The following RPL38 variants were observed in gnomAD, a reference collection of about 807,000 sequenced individuals.
The protein encoded by RPL38 is ribosomal protein L38.
A neutral mutation model predicts 12.8 loss-of-function variants in RPL38; 2 were observed. The ratio of observed to expected loss-of-function variants is 0.16; its 90% confidence interval spans 0.06 to 0.49. The LOEUF (loss-of-function observed/expected upper bound fraction) is 0.49, where lower values mean the gene tolerates loss of function less well. Ranked by LOEUF, RPL38 falls within the 20% of genes least tolerant of loss-of-function variation. RPL38 has a pLI of 0.96. For missense variants in RPL38, 52 were observed against 79.8 expected, an observed-to-expected ratio of 0.65 and a Z score of 1.33; for synonymous variants, 42 against 30.1, an observed-to-expected ratio of 1.39 and a Z score of -1.29.
intron 3 of RPL38, chr17:74,205,847 C>T (rs2050108655): frequency 6.6e-6 from 1 of 152,050 alleles, no homozygotes; most frequent in South Asian, 2.1e-4. Context: ...TGGCAAAACC[C>T]CATTTCTACT....
Position 74,203,759 on chromosome 17 carries a change from A to G in RPL38, c.-39+14A>G. ...TGGGTGAGAAAGGTAATCTGGGGCAATCCACTGCCAGGTGAAATCTGGGGA... is the reference window on the plus strand; with the variant it reads ...TGGGTGAGAAAGGTAATCTGGGGCAGTCCACTGCCAGGTGAAATCTGGGGA... On this transcript the variant is annotated intron_variant, in intron 1 of 4. Transcript: ENST00000311111. 3 of 635,954 alleles carry G rather than the reference A, an allele frequency of 4.7e-6. No individual in the cohort carries two copies. Among genetic ancestry groups the G allele is most frequent in the East Asian group, 2.8e-5 (1 of 36,272 alleles). The allele number at this position is 635,954 out of a possible 1,614,324, so 39.4% of individuals were successfully genotyped here. A position where few individuals can be genotyped will look rare whatever the true frequency, so the allele number is the denominator to read the frequency against.
At position 74,204,431 on chromosome 17, in the gene RPL38, TCA is replaced by T. The variant is rs146505031; in HGVS notation, c.64+242_64+243del. ...GATCATCTCAGAGGCCGCCCTGAGT[TCA>T]GTTTTCTTTCGTATAATATAGTAAA... On this transcript the variant is annotated intron_variant, in intron 3 of 4. Coordinates refer to ENST00000311111, the MANE Select transcript of RPL38 (RefSeq NM_000999.4). The T allele has an allele frequency of 7.0e-3, 3,821 of 543,378 alleles. 125 individuals carry two copies. Among genetic ancestry groups the T allele is most frequent in the African/African-American group, 0.065 (3,415 of 52,800 alleles). The allele number at this position is 543,378 out of a possible 1,614,324, so 33.7% of individuals were successfully genotyped here.
rs2050151344 is a variant in RPL38 at position 74,209,994 on chromosome 17, T to TC, written c.*165_*166insC. 3.0e-5 allele frequency: 17 copies of TC among 574,038 alleles called. No homozygotes were observed. Among genetic ancestry groups the TC allele is most frequent in the East Asian group, 1.2e-4 (4 of 33,218 alleles). The allele number at this position is 574,038 out of a possible 1,614,324, so 35.6% of individuals were successfully genotyped here. ...TTCCTGTGTCTTTTTTTTTTTTTTT[T>TC]TTTCTTTCTTTGAGACGGAGTCTTG... On this transcript the variant is annotated 3_prime_UTR_variant, in exon 5 of 5. Coordinates refer to ENST00000311111, the MANE Select transcript of RPL38 (RefSeq NM_000999.4).
intron 4 of RPL38, 139 bp downstream of exon 4, chr17:74,209,448 A>G: frequency 1.1e-6 from 1 of 932,278 alleles, no homozygotes; most frequent in Non-Finnish European, 1.6e-6. Flanking sequence ...TGCTGTTGGG[A>G]GTGTGAGGAA....
At chr17:74,206,170 A>G (rs2050111731) in intron 3 of RPL38, 1 of 152,158 alleles carries the variant, frequency 6.6e-6, no homozygotes, top group African/African-American at 2.4e-5. Flanking sequence ...GCATAGCGTA[A>G]AAGTTACCAT....
chr17:74,210,050 C>T lies in RPL38; in HGVS notation c.*221C>T, dbSNP rs1189985258. 2.1e-5 allele frequency: 10 copies of T among 470,454 alleles called. No individual in the cohort carries two copies. Among genetic ancestry groups the T allele is most frequent in the African/African-American group, 1.1e-4 (5 of 46,688 alleles). The allele number at this position is 470,454 out of a possible 1,614,324, so 29.1% of individuals were successfully genotyped here. A position where few individuals can be genotyped will look rare whatever the true frequency, so the allele number is the denominator to read the frequency against. ...TGGCTCATCCTGGAGCACAGTGGTGCGATATCAGCTCACTACCACCTCCGC... is the reference window on the plus strand; with the variant it reads ...TGGCTCATCCTGGAGCACAGTGGTGTGATATCAGCTCACTACCACCTCCGC... On this transcript the variant is annotated 3_prime_UTR_variant, in exon 5 of 5. Coordinates refer to ENST00000311111, the MANE Select transcript of RPL38 (RefSeq NM_000999.4).
At position 74,210,135 on chromosome 17, in the gene RPL38, A is replaced by AC; in HGVS notation, c.*307dup. 3.4e-6 allele frequency: 1 copy of AC among 290,698 alleles called. No individual in the cohort carries two copies. The highest frequency in any genetic ancestry group is 5.0e-5 in the Admixed American group (1 of 20,034). 18.0% of individuals were successfully genotyped at this position (290,698 alleles called of 1,614,324 possible). On this transcript the variant is annotated 3_prime_UTR_variant, in exon 5 of 5. Transcript: ENST00000311111. ...CCCGAGTGGCTGGGATTACAGGCAC[A>AC]CATCACCACGCCTGGCCAATTTTTG...
rs893598129 is a variant in RPL38, at chr17:74,209,950, C to T, written c.*121C>T. ...GTAGTGGCTTCTGATGGGAACAGGA[C>T]GCGGGTTCTGTTGCTGCCTTCCTGT... On this transcript the variant is annotated 3_prime_UTR_variant, in exon 5 of 5. Coordinates refer to ENST00000311111, the MANE Select transcript of RPL38 (RefSeq NM_000999.4). 9.4e-5 allele frequency: 67 copies of T among 711,516 alleles called. No individual in the cohort carries two copies. Among genetic ancestry groups the T allele is most frequent in the Non-Finnish European group, 1.0e-4 (43 of 411,294 alleles). The allele number at this position is 711,516 out of a possible 1,614,324, so 44.1% of individuals were successfully genotyped here.
rs369215772 is a variant in RPL38 at position 74,208,684 on chromosome 17, C to G, written c.65-503C>G. Among the ~76,000 whole-genome samples, 15 of 152,254 alleles carry G rather than the reference C, an allele frequency of 9.9e-5. No individual in the cohort carries two copies. The South Asian group carries it at 3.1e-3, about 32-fold the overall frequency. ...GGTGCGGTGGCTCATGCCTGGAATC[C>G]CAGCACTTTGGGAGGCCGAGGCCAG... is the stretch of plus-strand genomic sequence containing the variant. On this transcript the variant is annotated intron_variant, in intron 3 of 4. Transcript: ENST00000311111.
chr17:74,204,062 G>A (rs1421548042), intron 2 of RPL38, 68 bp from the exon 3 acceptor site: 2 of 1,611,286 alleles, frequency 1.2e-6, no homozygotes, highest in Non-Finnish European at 1.7e-6. Flanking sequence ...GGAGAAGCTG[G>A]TGGACTGGGC....
At chr17:74,206,608 C>G (rs2143689268) in intron 3 of RPL38, among the ~76,000 whole-genome samples, 1 of 152,280 alleles carries the variant, frequency 6.6e-6, no homozygotes, top group South Asian at 2.1e-4. Flanking sequence ...TCTGGATACC[C>G]CATACAAGTG....
At position 74,204,159 on chromosome 17, in the gene RPL38, C is replaced by A. The variant is rs768453680; in HGVS notation, c.33C>A (p.Phe11Leu). The A allele has an allele frequency of 8.1e-6, 13 of 1,614,194 alleles. No homozygotes were observed. The highest frequency in any genetic ancestry group is 2.2e-5 in the East Asian group (1 of 44,868). The change falls in exon 3 of 5, where the codon TTC (phenylalanine) becomes TTA (leucine). Residue 11 changes from phenylalanine (F) to leucine (L), a missense_variant. By Grantham distance (22) the Phe-to-Leu change is conservative. Coordinates refer to ENST00000311111, the MANE Select transcript of RPL38 (RefSeq NM_000999.4). ...GGAAAATTGAGGAAATCAAGGACTT[C>A]CTGCTCACAGCCCGACGAAAGGATG... MPRKIEEIKD[F>L]LLTARRKDAK...
At chr17:74,204,370 G>A (rs2050091461) in intron 3 of RPL38, 180 bp downstream of exon 3, 2 of 608,498 alleles carry the variant, frequency 3.3e-6, no homozygotes, top group Non-Finnish European at 2.9e-6. Flanking sequence ...GCACGTTGAG[G>A]CCCTGGAATT....
At position 74,203,927 on chromosome 17, in the gene RPL38, C is replaced by G. The variant is rs767488896; in HGVS notation, c.-29C>G. On this transcript the variant is annotated 5_prime_UTR_variant, in exon 2 of 5. Transcript: ENST00000311111. ...GGACTGTTTCCCGCAGGTCCTGGTC[C>G]GCGCCAGAGCCCAGCGCGCCTCGTC... is the stretch of plus-strand genomic sequence containing the variant. 1.3e-6 allele frequency: 2 copies of G among 1,599,570 alleles called. No individual in the cohort carries two copies. The highest frequency in any genetic ancestry group is 1.7e-6 in the Non-Finnish European group (2 of 1,170,528).
At chr17:74,203,866 G>T in intron 1 of RPL38, 52 bp from the exon 2 acceptor site, 9 of 1,455,756 alleles carry the variant, frequency 6.2e-6, no homozygotes, top group Non-Finnish European at 7.4e-6. Flanking sequence ...GGGAAAACGG[G>T]GTTCGCTGCC....
At chr17:74,203,778 C>T (rs2050082597) in intron 1 of RPL38, 33 bp downstream of exon 1, 1 of 734,616 alleles carries the variant, frequency 1.4e-6, no homozygotes, top group South Asian at 1.9e-5. Flanking sequence ...CAGGTGAAAT[C>T]TGGGGACCCC....
chr17:74,207,880 T>TA (rs2050129732), intron 3 of RPL38, among the ~76,000 whole-genome samples: 1 of 152,340 alleles, frequency 6.6e-6, no homozygotes, highest in African/African-American at 2.4e-5. Flanking sequence ...GGGGCAGTGT[T>TA]ATACTGAAAT....
At chr17:74,206,502 T>G (rs2050115251) in intron 3 of RPL38, among the ~76,000 whole-genome samples, 1 of 152,048 alleles carries the variant, frequency 6.6e-6, no homozygotes, top group Admixed American at 6.5e-5. Flanking sequence ...CAGAACTTTA[T>G]CTTCCCAAAC....
intron 3 of RPL38, among the ~76,000 whole-genome samples, chr17:74,208,097 G>C (rs1376993798): frequency 6.6e-6 from 1 of 152,200 alleles, no homozygotes; most frequent in East Asian, 1.9e-4. Context: ...TGTGTGCTGT[G>C]TCTGGCCAGG....
Sources: allele counts gnomAD v4.1 joint callset (sites outside exome capture counted in the v4.1 genomes callset), GRCh38; gene constraint gnomAD v4.1.1; transcripts MANE v1.5; gene names NCBI Gene and HGNC (gene_info 2026-07-23, HGNC 2026-07-21).